Variants in STAU1 observed in about 807,000 individuals in gnomAD.
STAU1 encodes the protein double-stranded RNA-binding protein Staufen homolog 1.
STAU1 carries 13 observed loss-of-function variants against 62.9 expected under a neutral mutation model. The observed-to-expected ratio is 0.21, with a 90% CI of 0.13 to 0.33. The LOEUF is 0.33. Among genes scored for constraint, STAU1 ranks in the 10% least tolerant of loss-of-function variants. The pLI is 1.00. For missense variants in STAU1, 571 were observed against 712.1 expected (o/e 0.80, Z 2.25); for synonymous variants, 269 against 265.1 (o/e 1.01, Z -0.14).
rs570224401 is a variant in STAU1 at position 49,113,428 on chromosome 20, A to G, written c.*1450T>C. 2.7e-5 allele frequency: 1 copy of G among 37,426 alleles called. No individual in the cohort carries two copies. The highest frequency in any genetic ancestry group is 1.5e-4 in the Admixed American group (1 of 6,618). The allele number at this position is 37,426 out of a possible 1,614,324, so 2.3% of individuals were successfully genotyped here. On this transcript the variant is annotated 3_prime_UTR_variant, in exon 14 of 14. Transcript: ENST00000371856. Reference sequence around the variant, plus strand: ...GCCCAGATGGAATCACAAGCATTACAAAGTTTTTTTCTTAAAAATAAAAAA... The same window carrying G: ...GCCCAGATGGAATCACAAGCATTACGAAGTTTTTTTCTTAAAAATAAAAAA...
intron 3 of STAU1, 27 bp from the exon 4 acceptor site, chr20:49,154,098 G>GT (rs762066858): frequency 2.5e-6 from 4 of 1,581,364 alleles, no homozygotes; most frequent in Admixed American, 2.0e-5. Context: ...ACAAAGAACT[G>GT]TTTTTTTCTG....
At chr20:49,172,477 A>G (rs1380498644) in intron 2 of STAU1, among the ~76,000 whole-genome samples, 1 of 152,206 alleles carries the variant, frequency 6.6e-6, no homozygotes, top group Non-Finnish European at 1.5e-5. Flanking sequence ...GATCTGCTGG[A>G]GACTTTTAAA....
the STAU1 span, among the ~76,000 whole-genome samples, chr20:49,202,336 C>G: frequency 6.6e-6 from 1 of 151,936 alleles, no homozygotes; most frequent in African/African-American, 2.4e-5. Flanking sequence ...CCGAGCTGGG[C>G]AGATCTCTTG....
At chr20:49,173,350 G>C (rs952971751) in intron 2 of STAU1, among the ~76,000 whole-genome samples, 7 of 152,034 alleles carry the variant, frequency 4.6e-5, no homozygotes, top group Non-Finnish European at 1.0e-4. Context: ...CCAGCTACTT[G>C]GGAGGCTGAG....
intron 3 of STAU1, chr20:49,158,946 G>C: frequency 8.0e-7 from 1 of 1,248,076 alleles, no homozygotes; most frequent in South Asian, 1.3e-5. Context: ...TACCCCCCTT[G>C]ACACTTCACA....
At chr20:49,168,542 A>C (rs1416432045) in intron 2 of STAU1, among the ~76,000 whole-genome samples, 2 of 152,232 alleles carry the variant, frequency 1.3e-5, no homozygotes, top group African/African-American at 4.8e-5. Context: ...CCAAAAAAAA[A>C]AAGTTAAACT....
intron 3 of STAU1, among the ~76,000 whole-genome samples, chr20:49,158,041 G>A (rs2093389788): frequency 6.6e-6 from 1 of 151,972 alleles, no homozygotes; most frequent in South Asian, 2.1e-4. Flanking sequence ...CAGCACTTTG[G>A]GAGGCAGAGG....
intron 6 of STAU1, among the ~76,000 whole-genome samples, chr20:49,126,895 A>G (rs1269266365): frequency 6.6e-6 from 1 of 152,130 alleles, no homozygotes; most frequent in East Asian, 1.9e-4. Flanking sequence ...TCAAACCATG[A>G]TCTCTAACTC....
intron 6 of STAU1, among the ~76,000 whole-genome samples, chr20:49,125,232 TA>T (rs565322149): frequency 0.019 from 765 of 40,868 alleles, 10 homozygotes; most frequent in African/African-American, 0.069. Context: ...AAACGAAGGA[TA>T]AAAAAAATCA....
chr20:49,214,423 C>CAGG, the STAU1 span, among the ~76,000 whole-genome samples: 1 of 150,182 alleles, frequency 6.7e-6, no homozygotes, highest in Admixed American at 6.7e-5. Flanking sequence ...GAGGCTGAGG[C>CAGG]AGGAGAACCG....
chr20:49,189,023 A>AC (rs2093823323), upstream of STAU1, among the ~76,000 whole-genome samples: 1 of 150,426 alleles, frequency 6.6e-6, no homozygotes, highest in Non-Finnish European at 1.5e-5. Context: ...CCACGGTGAA[A>AC]CCCCCGTCTC....
intron 3 of STAU1, chr20:49,159,229 C>G (rs2093414168): frequency 1.2e-6 from 1 of 866,326 alleles, no homozygotes. Context: ...TGCTACCTGC[C>G]ACTCTGCTGC....
intron 6 of STAU1, 66 bp downstream of exon 6, chr20:49,135,767 A>G (rs2092867364): frequency 8.2e-7 from 1 of 1,224,986 alleles, no homozygotes; most frequent in South Asian, 1.4e-5. Flanking sequence ...AGGGGAAAAA[A>G]TAACTCTTAT....
In STAU1 at chr20:49,113,683, G is replaced by C. The variant is rs1436660328; in HGVS notation, c.*1195C>G. ...GCAGAGCCTCAGTGCACACACTTCT[G>C]TGTACAGTAACACAACATCAAAAGC... On this transcript the variant is annotated 3_prime_UTR_variant, in exon 14 of 14. Transcript: ENST00000371856. 1 of 152,618 alleles carries C rather than the reference G, an allele frequency of 6.6e-6. No individual in the cohort carries two copies. The highest frequency in any genetic ancestry group is 1.5e-5 in the Non-Finnish European group (1 of 68,052). The allele number at this position is 152,618 out of a possible 1,614,324, so 9.5% of individuals were successfully genotyped here.
At chr20:49,187,774 C>G (rs1600923572) in intron 1 of STAU1, among the ~76,000 whole-genome samples, 1 of 11,444 alleles carries the variant, frequency 8.7e-5, no homozygotes, top group Admixed American at 4.0e-4. Flanking sequence ...GAAGCAGGGA[C>G]CCCCCCCCCC....
chr20:49,195,547 A>G, the STAU1 span, among the ~76,000 whole-genome samples: 1 of 117,002 alleles, frequency 8.5e-6, no homozygotes. Flanking sequence ...AAAAAAAAAA[A>G]AAAAAAAAAA....
At chr20:49,165,767 T>C (rs1309039216) in intron 3 of STAU1, among the ~76,000 whole-genome samples, 1 of 152,240 alleles carries the variant, frequency 6.6e-6, no homozygotes, top group Non-Finnish European at 1.5e-5. Flanking sequence ...TGAGTAGTTT[T>C]CAGCTTTCAA....
the STAU1 span, among the ~76,000 whole-genome samples, chr20:49,208,913 C>T: frequency 5.3e-5 from 8 of 151,374 alleles, no homozygotes; most frequent in Non-Finnish European, 7.4e-5. Flanking sequence ...TGAGCCACTG[C>T]GCCCGGCCGA....
At chr20:49,156,026 C>G (rs2093351680) in intron 3 of STAU1, among the ~76,000 whole-genome samples, 3 of 152,124 alleles carry the variant, frequency 2.0e-5, no homozygotes, top group Admixed American at 2.0e-4. Flanking sequence ...TTAGTATGCT[C>G]CCTGAATGGG....
Sources: allele counts gnomAD v4.1 joint callset (sites outside exome capture counted in the v4.1 genomes callset), GRCh38; gene constraint gnomAD v4.1.1; transcripts MANE v1.5; gene names NCBI Gene and HGNC (gene_info 2026-07-23, HGNC 2026-07-21).